INTS10: variants seen among roughly 807,000 people sequenced by gnomAD.
INTS10 encodes the protein chromosome 8 open reading frame 35.
In INTS10, 44 loss-of-function variants were observed where a neutral mutation model predicts 94.4. The ratio of observed to expected loss-of-function variants is 0.47; its 90% CI spans 0.37 to 0.60. The LOEUF is 0.60. INTS10 is among the 20% of genes least tolerant of loss of function. The probability of loss-of-function intolerance (pLI) is 0.00; values close to 1 mark genes in which losing one functional copy is unlikely to be tolerated. For missense variants in INTS10, 797 were observed against 868.7 expected (o/e 0.92, Z 1.04); for synonymous variants, 341 against 320.7 (o/e 1.06, Z -0.68).
intron 12 of INTS10, among the ~76,000 whole-genome samples, chr8:19,836,106 T>C (rs2067641681): frequency 1.3e-5 from 2 of 150,996 alleles, no homozygotes; most frequent in African/African-American, 4.9e-5. Context: ...GGCACACATA[T>C]ATGTAACAAA....
At chr8:19,829,416 T>C (rs761581239) in intron 9 of INTS10, among the ~76,000 whole-genome samples, 15 of 152,036 alleles carry the variant, frequency 9.9e-5, no homozygotes, top group Non-Finnish European at 1.8e-4. Flanking sequence ...TTTCCAATAA[T>C]TGCCTTTCTC....
In INTS10 at chr8:19,846,443, A is replaced by C. The variant is rs1025917725; in HGVS notation, c.1976+646A>C. On this transcript the variant is annotated intron_variant, in intron 16 of 16. Transcript: ENST00000397977. This position sits in a 1 kb window ranked among gnomAD's most constrained non-coding sequence, Gnocchi z 4.2. The stretch of plus-strand genomic sequence containing the variant: ...AGTGAAACTCCATCTCAAAAAAAAA[A>C]ACAAACAAACAAAACAGCTGTGCTT... Among the ~76,000 whole-genome samples, 7 of 150,584 alleles carry C rather than the reference A, an allele frequency of 4.6e-5. No homozygotes were observed. The highest frequency in any genetic ancestry group is 8.8e-5 in the Non-Finnish European group (6 of 67,930).
chr8:19,817,909 C>A (rs1278989289), intron 1 of INTS10, among the ~76,000 whole-genome samples: 1 of 151,980 alleles, frequency 6.6e-6, no homozygotes, highest in East Asian at 1.9e-4. Flanking sequence ...GACGGCCGAT[C>A]CCGCTTGAGG....
At chr8:19,836,909 A>G (rs140329088) in intron 12 of INTS10, 143 bp from the exon 13 acceptor site, 9,235 of 618,376 alleles carry the variant, frequency 0.015, 113 homozygotes, top group South Asian at 0.023. Flanking sequence ...CTATTGAGCA[A>G]TGGTAATGAT....
At chr8:19,835,463 A>T (rs1020285877) in intron 12 of INTS10, among the ~76,000 whole-genome samples, 4 of 152,170 alleles carry the variant, frequency 2.6e-5, no homozygotes. Context: ...ACAATGAAAA[A>T]AACAAATATT....
rs772467598 is a variant in INTS10 at position 19,822,484 on chromosome 8, C to A, written c.487C>A (p.Gln163Lys). 6.2e-6 allele frequency: 10 copies of A among 1,611,448 alleles called. No homozygotes were observed. The highest frequency in any genetic ancestry group is 1.3e-5 in the African/African-American group (1 of 74,842). ...ATTAGAGGCTGAAACTATTGAAGAA[C>A]AAGAATCTCCAGTGAACTGCTTTAG... is the stretch of plus-strand genomic sequence containing the variant. ...ALLEAETIEE[Q>K]ESPVNCFRKL... Residue 163 changes from glutamine (Q) to lysine (K), a missense_variant, in exon 5 of 17, where the codon CAA becomes AAA. Gln to Lys is a moderately conservative substitution (Grantham distance 53, BLOSUM62 1). This residue lies in a region of INTS10 where 734 missense variants were observed against 787.8 expected (regional missense o/e 0.93). Coordinates refer to ENST00000397977, the MANE Select transcript of INTS10 (RefSeq NM_018142.4).
chr8:19,845,572 T>C (rs2068507742), intron 15 of INTS10, 132 bp from the exon 16 acceptor site: 1 of 659,536 alleles, frequency 1.5e-6, no homozygotes, highest in Non-Finnish European at 2.8e-6. Context: ...CCCATTTCCT[T>C]ATCAGAGAGA....
rs531903037 is a variant in INTS10, at chr8:19,850,157, GA to G, written c.1977-1483del. 5.0e-3 allele frequency among the ~76,000 whole-genome samples: 744 copies of G among 147,966 alleles called. 7 individuals carry two copies. Among genetic ancestry groups the G allele is most frequent in the African/African-American group, 0.018 (715 of 40,206 alleles). On this transcript the variant is annotated intron_variant, in intron 16 of 16. Coordinates refer to ENST00000397977, the MANE Select transcript of INTS10 (RefSeq NM_018142.4). ...AAAAAAAAAAAAAGAAAGAAAGAAA[GA>G]AAAAAAAAGGAGGGTTTGCCCTTTA... is the stretch of plus-strand genomic sequence containing the variant.
Position 19,823,417 on chromosome 8 carries a change from A to G in INTS10, c.640A>G (p.Thr214Ala), listed in dbSNP as rs1186626680. The G allele has an allele frequency of 6.2e-7, 1 of 1,604,904 alleles. No homozygotes were observed. The highest frequency in any genetic ancestry group is 1.3e-5 in the African/African-American group (1 of 74,840). ...TTATATCAATTATGTCACTAGGTCTACTCAAATAGAAAATCAGCATCAAGG... is the reference window on the plus strand; with the variant it reads ...TTATATCAATTATGTCACTAGGTCTGCTCAAATAGAAAATCAGCATCAAGG... ...EFYINYVTRS[T>A]QIENQHQGAQ... Residue 214 changes from threonine (T) to alanine (A), a missense_variant, in exon 6 of 17, where the codon ACT becomes GCT. This residue lies in a region of INTS10 where 734 missense variants were observed against 787.8 expected (regional missense o/e 0.93). Transcript: ENST00000397977.
At position 19,851,750 on chromosome 8, in the gene INTS10, T is replaced by C. The variant is rs778877659; in HGVS notation, c.2078T>C (p.Val693Ala). Residue 693 changes from valine (V) to alanine (A), a missense_variant, in exon 17 of 17, where the codon GTT becomes GCT. Physicochemically the swap from Val to Ala is moderately conservative, Grantham distance 64. Coordinates refer to ENST00000397977, the MANE Select transcript of INTS10 (RefSeq NM_018142.4). The surrounding 1 kb of genome is among the most constrained non-coding windows in gnomAD (Gnocchi z 5.0). ...CGCTGTGGAGAGAATCTGATGGTGG[T>C]TCTGCACAGGTTCTGCATTAATGAG... is the stretch of plus-strand genomic sequence containing the variant. ...VSRCGENLMV[V>A]LHRFCINEKI... The C allele has an allele frequency of 6.2e-6, 10 of 1,614,102 alleles. No homozygotes were observed. In the South Asian group the frequency reaches 1.1e-4, roughly 18 times the overall value.
In INTS10 at chr8:19,849,818, C is replaced by A. The variant is rs1021362583; in HGVS notation, c.1977-1831C>A. Reference sequence around the variant, plus strand: ...CTTAAACCACAAAAGCTTACTAATTCTCTTTTTCATCCAAACTTACCAAAG... The same window carrying A: ...CTTAAACCACAAAAGCTTACTAATTATCTTTTTCATCCAAACTTACCAAAG... On this transcript the variant is annotated intron_variant, in intron 16 of 16. Coordinates refer to ENST00000397977, the MANE Select transcript of INTS10 (RefSeq NM_018142.4). The surrounding 1 kb of genome is among the most constrained non-coding windows in gnomAD (Gnocchi z 4.6). Among the ~76,000 whole-genome samples, 1 of 152,122 alleles carries A rather than the reference C, an allele frequency of 6.6e-6. No homozygotes were observed. Among genetic ancestry groups the A allele is most frequent in the African/African-American group, 2.4e-5 (1 of 41,406 alleles).
chr8:19,840,160 A>AT (rs926411604), intron 13 of INTS10, among the ~76,000 whole-genome samples: 2 of 152,084 alleles, frequency 1.3e-5, no homozygotes, highest in South Asian at 4.1e-4. Context: ...TAGAAAATGA[A>AT]TTTTTTAAGA....
intron 3 of INTS10, 46 bp from the exon 4 acceptor site, chr8:19,820,333 T>C (rs929860512): frequency 1.3e-5 from 21 of 1,576,322 alleles, no homozygotes; most frequent in Non-Finnish European, 1.7e-5. Flanking sequence ...GCTGCAGTCT[T>C]TTCTGTCCGC....
chr8:19,828,063 AC>A (rs1395234444), intron 9 of INTS10, among the ~76,000 whole-genome samples: 1 of 151,958 alleles, frequency 6.6e-6, no homozygotes, highest in East Asian at 1.9e-4. Context: ...GAAAAAAAAA[AC>A]TAGCTGGCTG....
At chr8:19,822,971 A>G (rs1450154414) in intron 5 of INTS10, among the ~76,000 whole-genome samples, 1 of 152,262 alleles carries the variant, frequency 6.6e-6, no homozygotes, top group Admixed American at 6.5e-5. Context: ...AGCATTTTAA[A>G]CAACTTCTAA....
chr8:19,839,215 A>C (rs1186189897), intron 13 of INTS10, among the ~76,000 whole-genome samples: 1 of 152,218 alleles, frequency 6.6e-6, no homozygotes, highest in Non-Finnish European at 1.5e-5. Flanking sequence ...TAGGAATAGA[A>C]GGAAACTATT....
chr8:19,817,778 G>A (rs1314724261), intron 1 of INTS10, 112 bp downstream of exon 1: 12 of 1,386,716 alleles, frequency 8.7e-6, no homozygotes, highest in East Asian at 7.6e-5. Flanking sequence ...CTCCTGCCCG[G>A]CCCCCTGCTT....
At chr8:19,850,479 A>G (rs2068939178) in intron 16 of INTS10, among the ~76,000 whole-genome samples, 1 of 129,406 alleles carries the variant, frequency 7.7e-6, no homozygotes, top group East Asian at 2.2e-4. Context: ...TTATCTAACA[A>G]AGCTGGATTT....
At chr8:19,825,193 A>G (rs1261032910) in intron 8 of INTS10, among the ~76,000 whole-genome samples, 3 of 152,224 alleles carry the variant, frequency 2.0e-5, no homozygotes, top group Admixed American at 2.0e-4. Context: ...GCGTAATGGT[A>G]CTGCACAACT....
Sources: allele counts gnomAD v4.1 joint callset (sites outside exome capture counted in the v4.1 genomes callset), GRCh38; gene constraint gnomAD v4.1.1; regional missense constraint gnomAD v4.1.1; non-coding constraint Gnocchi (gnomAD v3.1); transcripts MANE v1.5; gene names NCBI Gene and HGNC (gene_info 2026-07-23, HGNC 2026-07-21).